The following DNAH10 variants were observed in gnomAD, a reference collection of about 807,000 sequenced individuals.
The protein encoded by DNAH10 is dynein axonemal heavy chain 10, also known as axonemal beta dynein heavy chain 10.
In DNAH10, 348 loss-of-function variants were observed where a neutral mutation model predicts 506.6. That is an observed-to-expected ratio of 0.69 (90% CI 0.63 to 0.75). The LOEUF is 0.75. Ranked by LOEUF, DNAH10 falls within the 30% of genes least tolerant of loss-of-function variation. The pLI is 0.00. For synonymous variants in DNAH10, 2,059 were observed against 2,198.6 expected (o/e 0.94, Z 1.78); for missense variants, 5,179 against 5,787.1 (o/e 0.89, Z 3.41).
rs751681200 is a variant in DNAH10, at chr12:123,914,310, C to T, written c.10353-19C>T. On this transcript the variant is annotated intron_variant, in intron 60 of 78. Coordinates refer to ENST00000673944, the MANE Select transcript of DNAH10 (RefSeq NM_001372106.1). ...CCAGAAGGTAAACTCACGGCAGCCT[C>T]CCTCTCCTCCCGTGCCAGGTGGCTG... is the stretch of plus-strand genomic sequence containing the variant. 5.6e-6 allele frequency: 9 copies of T among 1,604,712 alleles called. No individual in the cohort carries two copies. Among genetic ancestry groups the T allele is most frequent in the South Asian group, 2.2e-5 (2 of 90,202 alleles).
chr12:123,767,100 G>T (rs1593952666), intron 1 of DNAH10, among the ~76,000 whole-genome samples: 5 of 151,848 alleles, frequency 3.3e-5, no homozygotes, highest in Admixed American at 3.3e-4. Flanking sequence ...TAGAGACGAG[G>T]TTTCACCATG....
At chr12:123,765,280 A>G (rs1266553579) in intron 1 of DNAH10, among the ~76,000 whole-genome samples, 7 of 152,160 alleles carry the variant, frequency 4.6e-5, no homozygotes, top group Non-Finnish European at 1.0e-4. Context: ...CGTACTGTAC[A>G]TATCATTTAG....
Position 123,894,732 on chromosome 12 carries a change from C to T in DNAH10, c.9280+9C>T, listed in dbSNP as rs761007890. 8 of 1,612,046 alleles carry T rather than the reference C, an allele frequency of 5.0e-6. No homozygotes were observed. The highest frequency in any genetic ancestry group is 2.2e-5 in the South Asian group (2 of 91,036). ...CGCAAAGTCCTTTCTAGGTAAGTCACAGCTGTTATGGGAACTGCATTATTG... is the reference window on the plus strand; with the variant it reads ...CGCAAAGTCCTTTCTAGGTAAGTCATAGCTGTTATGGGAACTGCATTATTG... On this transcript the variant is annotated intron_variant, in intron 54 of 78. Coordinates refer to ENST00000673944, the MANE Select transcript of DNAH10 (RefSeq NM_001372106.1).
At position 123,917,656 on chromosome 12, in the gene DNAH10, AG is replaced by A. The variant is rs1296925055; in HGVS notation, c.11076del (p.Gln3692HisfsTer95). ...VAYERRELEEQREHLIQETSE... is the reference protein window; with the variant it reads ...VAYERRELEEXREHLIQETSE... ...TACGAGAGGCGGGAGCTGGAGGAGCAGCGGGAGCACCTCATCCAGGAGACCA... is the reference window on the plus strand; with the variant it reads ...TACGAGAGGCGGGAGCTGGAGGAGCACGGGAGCACCTCATCCAGGAGACCA... On this transcript the variant is annotated frameshift_variant, in exon 64 of 79. Coordinates refer to ENST00000673944, the MANE Select transcript of DNAH10 (RefSeq NM_001372106.1). LOFTEE classifies it high-confidence loss of function. The surrounding 1 kb of genome is among the most constrained non-coding windows in gnomAD (Gnocchi z 5.6). 1 of 1,551,752 alleles carries A rather than the reference AG, an allele frequency of 6.4e-7. No homozygotes were observed.
Position 123,913,304 on chromosome 12 carries a change from A to G in DNAH10, c.10341A>G (p.Ser3447=), listed in dbSNP as rs200407181. 1,938 of 1,598,252 alleles carry G rather than the reference A, an allele frequency of 1.2e-3. 3 individuals carry two copies. Among genetic ancestry groups the G allele is most frequent in the Non-Finnish European group, 1.2e-3 (1,440 of 1,173,182 alleles). ...ACAAACTCATCTCGGGTCTGGGGTC[A>G]GAAAACATCAGGTTAGCGCTGCTCA... ...AADKLISGLG[S]ENIRWLNDLD... Residue 3447 remains serine (S), a synonymous_variant, in exon 60 of 79, where the codon TCA becomes TCG. Coordinates refer to ENST00000673944, the MANE Select transcript of DNAH10 (RefSeq NM_001372106.1). This position sits in a 1 kb window ranked among gnomAD's most constrained non-coding sequence, Gnocchi z 5.1.
intron 2 of DNAH10, among the ~76,000 whole-genome samples, chr12:123,770,268 A>AAT (rs763621560): frequency 1.8e-3 from 270 of 151,238 alleles, no homozygotes; most frequent in Middle Eastern, 0.01. Flanking sequence ...TTTTTTTAAA[A>AAT]TTTTTTTTGT....
In DNAH10 at chr12:123,916,592, G is replaced by A; in HGVS notation, c.10858G>A (p.Val3620Ile). The change falls in exon 63 of 79, where the codon GTC becomes ATC. Residue 3620 changes from valine (V) to isoleucine (I), a missense_variant. By Grantham distance (29) the Val-to-Ile change is conservative. Coordinates refer to ENST00000673944, the MANE Select transcript of DNAH10 (RefSeq NM_001372106.1). The surrounding 1 kb of genome is among the most constrained non-coding windows in gnomAD (Gnocchi z 4.6). ...CAACGTCTTAGAAAAAAATATAAAA[G>A]TCTCCCAAGGACGGCAGTTTATTAT... ...IDNVLEKNIK[V>I]SQGRQFIILG... The A allele has an allele frequency of 6.2e-7, 1 of 1,613,836 alleles. No individual in the cohort carries two copies. Among genetic ancestry groups the A allele is most frequent in the Non-Finnish European group, 8.5e-7 (1 of 1,179,864 alleles).
rs1264442251 is a variant in DNAH10, at chr12:123,877,733, C to T, written c.8200-3C>T. The T allele has an allele frequency of 6.2e-7, 1 of 1,605,950 alleles. No homozygotes were observed. Among genetic ancestry groups the T allele is most frequent in the Admixed American group, 1.7e-5 (1 of 58,516 alleles). On this transcript the variant is annotated splice_polypyrimidine_tract_variant and splice_region_variant and intron_variant, in intron 47 of 78. Transcript: ENST00000673944. The stretch of plus-strand genomic sequence containing the variant: ...TTGGGGGGGGTGTCTTTGCATTTTT[C>T]AGACGTTTCATGAGAGCATTGTGGC...
At chr12:123,812,940 C>G (rs1209371942) in intron 19 of DNAH10, among the ~76,000 whole-genome samples, 1 of 152,142 alleles carries the variant, frequency 6.6e-6, no homozygotes, top group Non-Finnish European at 1.5e-5. Context: ...CCGCCCCTTT[C>G]CATTGGTCAA....
rs149301537 is a variant in DNAH10, at chr12:123,909,821, C to G, written c.9997+379C>G. Among the ~76,000 whole-genome samples the G allele has an allele frequency of 2.0e-5, 3 of 152,324 alleles. No homozygotes were observed. The highest frequency in any genetic ancestry group is 1.9e-4 in the East Asian group (1 of 5,186). ...GAGCTAGTCTGACCTTGACTTCCCC[C>G]CTTTCTCCTCTTGTCAGTGTCAAGT... On this transcript the variant is annotated intron_variant, in intron 58 of 78. Transcript: ENST00000673944. The surrounding 1 kb of genome is among the most constrained non-coding windows in gnomAD (Gnocchi z 5.4).
chr12:123,906,773 C>T (rs565337113), intron 57 of DNAH10, among the ~76,000 whole-genome samples: 6 of 152,048 alleles, frequency 3.9e-5, no homozygotes, highest in African/African-American at 7.2e-5. Context: ...GGATGTTAAG[C>T]GCAATGAGCC....
intron 27 of DNAH10, among the ~76,000 whole-genome samples, chr12:123,834,246 CA>C (rs752051087): frequency 2.7e-4 from 41 of 152,244 alleles, no homozygotes; most frequent in Middle Eastern, 3.4e-3. Flanking sequence ...CTTGCTCTGT[CA>C]CCCAGGCTGG....
intron 39 of DNAH10, among the ~76,000 whole-genome samples, chr12:123,862,757 T>C (rs915434755): frequency 2.0e-5 from 3 of 152,334 alleles, no homozygotes; most frequent in Non-Finnish European, 4.4e-5. Flanking sequence ...AATTTGAATG[T>C]GGACTATACA....
rs771911460 is a variant in DNAH10 at position 123,772,887 on chromosome 12, T to G, written c.450T>G (p.Pro150=). 2 of 1,613,088 alleles carry G rather than the reference T, an allele frequency of 1.2e-6. No homozygotes were observed. Among genetic ancestry groups the G allele is most frequent in the South Asian group, 2.2e-5 (2 of 90,880 alleles). ...EKMHLHMLCT[P]LPEEFLDQNV... is the part of the protein sequence containing the mutation. ...TGCATCTCCACATGCTCTGTACCCC[T>G]CTTCCCGAGGAGTTCCTGGACCAAA... Residue 150 remains proline, a synonymous_variant, in exon 4 of 79, where the codon CCT becomes CCG. Transcript: ENST00000673944.
At chr12:123,781,912 G>A (rs145034741) in intron 6 of DNAH10, among the ~76,000 whole-genome samples, 2 of 151,888 alleles carry the variant, frequency 1.3e-5, no homozygotes, top group East Asian at 3.9e-4. Flanking sequence ...GTGTTTTGGT[G>A]TTAGGATGAT....
intron 54 of DNAH10, among the ~76,000 whole-genome samples, chr12:123,896,795 A>G (rs1333089790): frequency 6.6e-6 from 1 of 151,968 alleles, no homozygotes; most frequent in Non-Finnish European, 1.5e-5. Flanking sequence ...AGTGATAGCC[A>G]TTCTTTTCTT....
In DNAH10 at chr12:123,813,552, A is replaced by G; in HGVS notation, c.3533A>G (p.Glu1178Gly). The G allele has an allele frequency of 6.2e-7, 1 of 1,614,228 alleles. No homozygotes were observed. The highest frequency in any genetic ancestry group is 8.5e-7 in the Non-Finnish European group (1 of 1,180,042). ...AGGCATCTGGCAAACACAGTGCAGG[A>G]AAATGCCAAGTCCTGGGTGATTTCG... ...QLRHLANTVQENAKSWVISLG... is the reference protein window; with the variant it reads ...QLRHLANTVQGNAKSWVISLG... The change falls in exon 20 of 79, where the codon GAA (glutamate) becomes GGA (glycine). Residue 1178 changes from glutamate (E) to glycine (G), a missense_variant. Glu to Gly is a moderately conservative substitution (Grantham distance 98). This residue lies in a region of DNAH10 where 4,844 missense variants were observed against 5,430.5 expected (regional missense o/e 0.89). Coordinates refer to ENST00000673944, the MANE Select transcript of DNAH10 (RefSeq NM_001372106.1).
chr12:123,934,969 G>A (rs1031019467), intron 78 of DNAH10: 26 of 681,208 alleles, frequency 3.8e-5, no homozygotes, highest in South Asian at 2.5e-4. Context: ...TGTGGATGCC[G>A]GTCCTTCCAG....
Position 123,784,006 on chromosome 12 carries a change from G to T in DNAH10, c.1059G>T (p.Ala353=), listed in dbSNP as rs371503919. Residue 353 remains alanine (A), a synonymous_variant, in exon 8 of 79, where the codon GCG becomes GCT. Coordinates refer to ENST00000673944, the MANE Select transcript of DNAH10 (RefSeq NM_001372106.1). ...FWRERNATLS[A]LHEQTKLPIV... ...GGGAAAGAAATGCAACCTTAAGTGCGCTGCATGAACAAACAAAGCTTCCAA... is the reference window on the plus strand; with the variant it reads ...GGGAAAGAAATGCAACCTTAAGTGCTCTGCATGAACAAACAAAGCTTCCAA... The T allele has an allele frequency of 1.9e-6, 3 of 1,614,186 alleles. No individual in the cohort carries two copies. Among genetic ancestry groups the T allele is most frequent in the Middle Eastern group, 1.6e-4 (1 of 6,062 alleles).
Sources: allele counts gnomAD v4.1 joint callset (sites outside exome capture counted in the v4.1 genomes callset), GRCh38; gene constraint gnomAD v4.1.1; regional missense constraint gnomAD v4.1.1; non-coding constraint Gnocchi (gnomAD v3.1); transcripts MANE v1.5; gene names NCBI Gene and HGNC (gene_info 2026-07-23, HGNC 2026-07-21).